The following NOS1 variants were observed in gnomAD, a reference collection of about 807,000 sequenced individuals.
NOS1 encodes NOS type I.
NOS1 carries 51 observed loss-of-function variants against 164.5 expected under a neutral mutation model. That is an observed-to-expected ratio of 0.31 (90% CI 0.25 to 0.39). The LOEUF (loss-of-function observed/expected upper bound fraction) is 0.39, where lower values mean the gene tolerates loss of function less well. Ranked by LOEUF, NOS1 falls within the 10% of genes least tolerant of loss-of-function variation. The pLI, the probability that NOS1 is intolerant of heterozygous loss-of-function variation, is 1.00. For missense variants in NOS1, 1,362 were observed against 1,885.6 expected, an observed-to-expected ratio of 0.72 and a Z score of 5.14; for synonymous variants, 719 against 745.8, an observed-to-expected ratio of 0.96 and a Z score of 0.59.
At chr12:117,273,010 A>G (rs974607165) in intron 9 of NOS1, among the ~76,000 whole-genome samples, 4 of 152,068 alleles carry the variant, frequency 2.6e-5, no homozygotes, top group Non-Finnish European at 5.9e-5. Flanking sequence ...TCTGTCATGC[A>G]GGCTTCCTCC....
At chr12:117,241,771 C>T (rs1239514945) in intron 20 of NOS1, among the ~76,000 whole-genome samples, 1 of 152,206 alleles carries the variant, frequency 6.6e-6, no homozygotes, top group African/African-American at 2.4e-5. Flanking sequence ...ATCAGAACCG[C>T]GCCTGCGATC....
Position 117,214,807 on chromosome 12 carries a change from A to T in NOS1, c.*502T>A, listed in dbSNP as rs9658560. The T allele has an allele frequency of 3.4e-4, 338 of 985,140 alleles. No homozygotes were observed. The highest frequency in any genetic ancestry group is 5.2e-4 in the Middle Eastern group (1 of 1,916). 61.0% of individuals were successfully genotyped at this position (985,140 alleles called of 1,614,324 possible). On this transcript the variant is annotated 3_prime_UTR_variant, in exon 29 of 29. Transcript: ENST00000317775. ...CTAAGATCGACACACTTGTGCAGGG[A>T]AGAGGACGGACAGAGACCTGGCCCA...
At chr12:117,337,898 G>C (rs1460533572) in intron 1 of NOS1, among the ~76,000 whole-genome samples, 1 of 152,014 alleles carries the variant, frequency 6.6e-6, no homozygotes, top group Non-Finnish European at 1.5e-5. Flanking sequence ...GTGCAACATA[G>C]TGATATCCCA....
chr12:117,262,058 G>A (rs1262682347), intron 13 of NOS1, among the ~76,000 whole-genome samples: 1 of 152,172 alleles, frequency 6.6e-6, no homozygotes, highest in African/African-American at 2.4e-5. Context: ...CCCCACCTGG[G>A]ATTATCGGCG....
chr12:117,275,371 G>T (rs779963467), intron 9 of NOS1, among the ~76,000 whole-genome samples: 1 of 152,004 alleles, frequency 6.6e-6, no homozygotes, highest in Admixed American at 6.6e-5. Flanking sequence ...ACTGGAGGAC[G>T]TTATGTTAAG....
intron 17 of NOS1, among the ~76,000 whole-genome samples, chr12:117,251,310 A>G (rs1472250634): frequency 2.6e-5 from 4 of 152,120 alleles, no homozygotes; most frequent in African/African-American, 7.2e-5. Context: ...AGTAGCCCCA[A>G]TGGACCAAGG....
intron 2 of NOS1, among the ~76,000 whole-genome samples, chr12:117,318,224 G>A (rs962449340): frequency 2.0e-5 from 3 of 152,152 alleles, no homozygotes; most frequent in Non-Finnish European, 4.4e-5. Flanking sequence ...AGTTTGAGTA[G>A]TGGGTCTAGG....
intron 3 of NOS1, among the ~76,000 whole-genome samples, chr12:117,298,388 C>T (rs982650056): frequency 5.3e-5 from 8 of 152,150 alleles, no homozygotes; most frequent in African/African-American, 1.9e-4. Context: ...ACTTGCTCGC[C>T]TGCCGCTCAC....
At chr12:117,219,416 C>T (rs971246174) in intron 27 of NOS1, among the ~76,000 whole-genome samples, 12 of 152,108 alleles carry the variant, frequency 7.9e-5, no homozygotes, top group Non-Finnish European at 1.6e-4. Flanking sequence ...AAGCAATTCT[C>T]CTTCCTCAGC....
rs1870335279 is a variant in NOS1, at chr12:117,243,287, T to C, written c.2962+10A>G. 6.2e-7 allele frequency: 1 copy of C among 1,613,634 alleles called. No homozygotes were observed. The highest frequency in any genetic ancestry group is 1.3e-5 in the African/African-American group (1 of 74,890). On this transcript the variant is annotated intron_variant, in intron 19 of 28. Transcript: ENST00000317775. This position sits in a 1 kb window ranked among gnomAD's most constrained non-coding sequence, Gnocchi z 4.3. ...CACGAATACCTCCCTGGAAGGGTGG[T>C]GGGAGGTACCTTGTGTGAGTTCTGG...
rs752819930 is a variant in NOS1 at position 117,226,780 on chromosome 12, T to A, written c.3617-10A>T. 6.2e-7 allele frequency: 1 copy of A among 1,611,778 alleles called. No homozygotes were observed. The highest frequency in any genetic ancestry group is 1.1e-5 in the South Asian group (1 of 90,906). On this transcript the variant is annotated splice_polypyrimidine_tract_variant and intron_variant, in intron 23 of 28. Transcript: ENST00000317775. ...ATTGGTCCTTCTCCATCTAGTAGAATAACCAAGGCAGTCAGGGCCACCCAC... is the reference window on the plus strand; with the variant it reads ...ATTGGTCCTTCTCCATCTAGTAGAAAAACCAAGGCAGTCAGGGCCACCCAC...
intron 1 of NOS1, among the ~76,000 whole-genome samples, chr12:117,334,511 C>T (rs779072451): frequency 6.6e-6 from 1 of 152,140 alleles, no homozygotes; most frequent in African/African-American, 2.4e-5. Flanking sequence ...ATTCTCTAGC[C>T]TCAGCCTCCC....
rs1872163572 is a variant in NOS1, at chr12:117,264,087, A to G, written c.2137-113T>C. 6 of 508,398 alleles carry G rather than the reference A, an allele frequency of 1.2e-5. No homozygotes were observed. The Admixed American group carries it at 1.4e-4, about 12-fold the overall frequency. 31.5% of individuals were successfully genotyped at this position (508,398 alleles called of 1,614,324 possible). On this transcript the variant is annotated intron_variant, in intron 12 of 28. Transcript: ENST00000317775. ...GTGACTGCCTGACCCTCGGCCTCTG[A>G]AGGGAAGAATTCTGCCCAGTGGTGA...
At chr12:117,339,130 C>A (rs1875974992) in intron 1 of NOS1, among the ~76,000 whole-genome samples, 1 of 152,166 alleles carries the variant, frequency 6.6e-6, no homozygotes, top group Admixed American at 6.5e-5. Context: ...TGCTTTCTCC[C>A]ATGCCGGTAA....
rs1566082153 is a variant in NOS1, at chr12:117,337,104, C to CTATTTTTTTTTTTTTTTTTT, written c.-420-5616_-420-5615insAAAAAAAAAAAAAAAAAATA. Reference sequence around the variant, plus strand: ...AGCCACTGTACCCAGCTGCTTTTTACTCTTTTTTTTTTTTTTTTTTTTTTT... The same window carrying CTATTTTTTTTTTTTTTTTTT: ...AGCCACTGTACCCAGCTGCTTTTTACTATTTTTTTTTTTTTTTTTTTCTTTTTTTTTTTTTTTTTTTTTTT... On this transcript the variant is annotated intron_variant, in intron 1 of 28. Coordinates refer to ENST00000317775, the MANE Select transcript of NOS1 (RefSeq NM_000620.5). 1.6e-4 allele frequency among the ~76,000 whole-genome samples: 15 copies of CTATTTTTTTTTTTTTTTTTT among 94,074 alleles called. 4 individuals carry two copies. The highest frequency in any genetic ancestry group is 1.3e-4 in the Non-Finnish European group (6 of 47,796). The allele number at this position is 94,074 out of a possible 152,430, so 61.7% of individuals were successfully genotyped here.
intron 3 of NOS1, chr12:117,301,938 C>T (rs1237341454): frequency 6.6e-6 from 3 of 453,494 alleles, no homozygotes; most frequent in Non-Finnish European, 1.3e-5. Context: ...ATTTGTTGAG[C>T]ATTTATTCTG....
chr12:117,339,274 T>C (rs1385833202), intron 1 of NOS1, among the ~76,000 whole-genome samples: 1 of 152,214 alleles, frequency 6.6e-6, no homozygotes, highest in Non-Finnish European at 1.5e-5. Context: ...GGCTACAGTT[T>C]GCCTATGATG....
intron 1 of NOS1, among the ~76,000 whole-genome samples, chr12:117,354,374 A>G: frequency 1.3e-5 from 2 of 149,528 alleles, no homozygotes; most frequent in African/African-American, 5.1e-5. Flanking sequence ...TAGAAGCAAA[A>G]TGATAACTGA....
At chr12:117,312,009 T>C (rs1389722017) in intron 2 of NOS1, among the ~76,000 whole-genome samples, 1 of 152,098 alleles carries the variant, frequency 6.6e-6, no homozygotes, top group East Asian at 1.9e-4. Flanking sequence ...GTGGAAAAAG[T>C]AGGAGGTAGG....
Sources: gnomAD v4.1 joint callset for allele counts (sites outside exome capture counted in the v4.1 genomes callset) on GRCh38, gnomAD v4.1.1 for gene constraint, Gnocchi (gnomAD v3.1) non-coding constraint, MANE v1.5 for transcripts, NCBI Gene and HGNC (gene_info 2026-07-23, HGNC 2026-07-21) for gene names.